CCDC141: variants seen among roughly 807,000 people sequenced by gnomAD.
The protein encoded by CCDC141 is coiled-coil domain-containing protein 141.
In CCDC141, 168 loss-of-function variants were observed where a neutral mutation model predicts 181.0. The ratio of observed to expected loss-of-function variants is 0.93; its 90% CI spans 0.82 to 1.05. The LOEUF (loss-of-function observed/expected upper bound fraction) is 1.05. Among genes scored for constraint, CCDC141 ranks in the 50% least tolerant of loss-of-function variants. The pLI is 0.00. For synonymous variants in CCDC141, 666 were observed against 642.3 expected (o/e 1.04, Z -0.56); for missense variants, 1,902 against 1,788.5 (o/e 1.06, Z -1.14).
intron 8 of CCDC141, among the ~76,000 whole-genome samples, chr2:178,904,969 C>T (rs1430939109): frequency 6.6e-6 from 1 of 152,176 alleles, no homozygotes. Flanking sequence ...ACAGGATAGA[C>T]TCAAGACTCA....
intron 2 of CCDC141, among the ~76,000 whole-genome samples, chr2:178,986,907 G>T (rs1290174339): frequency 5.9e-5 from 9 of 151,914 alleles, no homozygotes; most frequent in African/African-American, 1.9e-4. Flanking sequence ...GTAATTTATA[G>T]ATTCAATGCC....
At chr2:178,907,334 T>C (rs192473074) in intron 7 of CCDC141, among the ~76,000 whole-genome samples, 3 of 152,314 alleles carry the variant, frequency 2.0e-5, no homozygotes, top group Admixed American at 1.3e-4. Context: ...AAGGAGCAGA[T>C]TTGGGATTTA....
In CCDC141 at chr2:178,978,604, A is replaced by T; in HGVS notation, c.297T>A (p.Ser99Arg). The T allele has an allele frequency of 5.8e-6, 9 of 1,549,632 alleles. No individual in the cohort carries two copies. The highest frequency in any genetic ancestry group is 7.8e-6 in the Non-Finnish European group (9 of 1,146,572). ...TCTCGGCCATGGCATCATAGACCTGACTCTGATCCTTGTTCTCTTCAGCTG... is the reference window on the plus strand; with the variant it reads ...TCTCGGCCATGGCATCATAGACCTGTCTCTGATCCTTGTTCTCTTCAGCTG... ...DKTAEENKDQ[S>R]QVYDAMAETL... The change falls in exon 3 of 24, where the codon AGT becomes AGA. Residue 99 changes from serine to arginine, a missense_variant. Physicochemically the swap from Ser to Arg is moderately radical, Grantham distance 110 (BLOSUM62 -1). Coordinates refer to ENST00000443758, the MANE Select transcript of CCDC141 (RefSeq NM_173648.4).
At chr2:179,046,574 C>A (rs773012493) in intron 2 of CCDC141, among the ~76,000 whole-genome samples, 2 of 152,198 alleles carry the variant, frequency 1.3e-5, no homozygotes, top group Non-Finnish European at 2.9e-5. Flanking sequence ...GTGAGGTCTG[C>A]ACTCATCTTA....
chr2:178,961,153 T>C, intron 5 of CCDC141, 77 bp downstream of exon 5: 1 of 1,449,688 alleles, frequency 6.9e-7, no homozygotes, highest in Non-Finnish European at 9.3e-7. Flanking sequence ...ACTGACAAAC[T>C]GCCCCAGGGA....
chr2:178,905,965 GA>G (rs1173361193), intron 7 of CCDC141, among the ~76,000 whole-genome samples: 1 of 152,210 alleles, frequency 6.6e-6, no homozygotes, highest in Non-Finnish European at 1.5e-5. Flanking sequence ...GCACTGTAGA[GA>G]AATATTCAAG....
intron 12 of CCDC141, 152 bp downstream of exon 12, chr2:178,877,812 T>G: frequency 1.4e-6 from 1 of 717,862 alleles, no homozygotes; most frequent in Non-Finnish European, 2.4e-6. Context: ...ATTTAAATGT[T>G]GGGCTTCAGG....
At chr2:178,892,921 G>T (rs187633537) in intron 8 of CCDC141, among the ~76,000 whole-genome samples, 18 of 152,292 alleles carry the variant, frequency 1.2e-4, no homozygotes, top group Non-Finnish European at 1.9e-4. Context: ...AGCCTGATTG[G>T]GTGGGAGAGG....
intron 21 of CCDC141, among the ~76,000 whole-genome samples, chr2:178,847,775 G>A (rs1407246723): frequency 1.3e-5 from 2 of 152,144 alleles, no homozygotes; most frequent in Non-Finnish European, 2.9e-5. Context: ...TCCTTAAGGC[G>A]ATAGTATTAG....
intron 21 of CCDC141, 49 bp downstream of exon 21, chr2:178,850,000 T>G: frequency 9.8e-7 from 1 of 1,023,812 alleles, no homozygotes; most frequent in Non-Finnish European, 1.5e-6. Flanking sequence ...GATTAACACA[T>G]TTTTATTTAT....
At chr2:179,008,195 CA>C (rs955720585) in intron 2 of CCDC141, among the ~76,000 whole-genome samples, 2 of 152,116 alleles carry the variant, frequency 1.3e-5, no homozygotes, top group Non-Finnish European at 2.9e-5. Flanking sequence ...GTATTTTGGT[CA>C]AACAAAAATA....
chr2:178,867,219 C>G (rs932145990), intron 16 of CCDC141, among the ~76,000 whole-genome samples: 2 of 152,160 alleles, frequency 1.3e-5, no homozygotes, highest in African/African-American at 4.8e-5. Flanking sequence ...AATTCTTCAT[C>G]CATAAAATGA....
At chr2:179,033,926 TG>T (rs2043067444) in intron 2 of CCDC141, among the ~76,000 whole-genome samples, 1 of 152,184 alleles carries the variant, frequency 6.6e-6, no homozygotes, top group Non-Finnish European at 1.5e-5. Flanking sequence ...GTAAGAAGCC[TG>T]GGGCTCAGCA....
chr2:178,824,067 C>T, the CCDC141 span, among the ~76,000 whole-genome samples: 1 of 151,844 alleles, frequency 6.6e-6, no homozygotes, highest in East Asian at 1.9e-4. Context: ...GAAAAACACA[C>T]ACACACACAC....
chr2:178,984,011 T>G (rs1050732382), intron 2 of CCDC141, among the ~76,000 whole-genome samples: 11 of 151,466 alleles, frequency 7.3e-5, no homozygotes, highest in African/African-American at 2.7e-4. Context: ...AACACATAAT[T>G]GTCAGATTCA....
chr2:179,029,746 A>C (rs1027865553), intron 2 of CCDC141, among the ~76,000 whole-genome samples: 9 of 152,164 alleles, frequency 5.9e-5, no homozygotes, highest in South Asian at 2.1e-4. Context: ...ATAACTAATA[A>C]ATGGGTTATG....
chr2:178,938,858 A>C (rs1689395904), intron 6 of CCDC141, among the ~76,000 whole-genome samples: 1 of 152,172 alleles, frequency 6.6e-6, no homozygotes, highest in Non-Finnish European at 1.5e-5. Context: ...GTTTTTCTCC[A>C]TGTAGATGCA....
At chr2:178,950,433 T>C (rs1018093615) in intron 5 of CCDC141, among the ~76,000 whole-genome samples, 5 of 152,206 alleles carry the variant, frequency 3.3e-5, no homozygotes, top group African/African-American at 1.2e-4. Flanking sequence ...ATGACCAGAT[T>C]TGAAATATCC....
At chr2:178,982,863 T>A (rs557248343) in intron 2 of CCDC141, among the ~76,000 whole-genome samples, 3 of 152,210 alleles carry the variant, frequency 2.0e-5, no homozygotes, top group Non-Finnish European at 4.4e-5. Context: ...GAGATCAAAC[T>A]GCAAGGCGGC....
Sources: gnomAD v4.1 joint callset for allele counts (sites outside exome capture counted in the v4.1 genomes callset) on GRCh38, gnomAD v4.1.1 for gene constraint, MANE v1.5 for transcripts, NCBI Gene and HGNC (gene_info 2026-07-23, HGNC 2026-07-21) for gene names.